Variants in SYN3 observed in about 807,000 individuals in gnomAD.
The protein encoded by SYN3 is synapsin-3.
Under a neutral mutation model 65.8 loss-of-function variants are expected in SYN3, and 35 were observed. That is an observed-to-expected ratio of 0.53 (90% CI 0.41 to 0.70). The LOEUF is 0.70. Ranked by LOEUF, SYN3 falls within the 30% of genes least tolerant of loss-of-function variation. SYN3 has a pLI of 0.00. For missense variants in SYN3, 680 were observed against 749.0 expected (o/e 0.91, Z 1.08); for synonymous variants, 270 against 292.9 (o/e 0.92, Z 0.80).
At chr22:32,536,993 C>T (rs2058176641) in intron 9 of SYN3, among the ~76,000 whole-genome samples, 1 of 152,160 alleles carries the variant, frequency 6.6e-6, no homozygotes, top group Non-Finnish European at 1.5e-5. Context: ...ACAACATGGC[C>T]TGCAGTAGGT....
At chr22:32,604,734 G>C (rs1043523577) in intron 6 of SYN3, among the ~76,000 whole-genome samples, 1 of 152,118 alleles carries the variant, frequency 6.6e-6, no homozygotes, top group Admixed American at 6.5e-5. Flanking sequence ...GACTGGGCGC[G>C]GTGGCTCACG....
chr22:32,661,442 A>G (rs909820155), intron 6 of SYN3, among the ~76,000 whole-genome samples: 1 of 152,272 alleles, frequency 6.6e-6, no homozygotes, highest in Non-Finnish European at 1.5e-5. Flanking sequence ...CTCACAGCAC[A>G]TCAATGGGGG....
At chr22:32,839,201 A>G (rs1422392143) in intron 6 of SYN3, among the ~76,000 whole-genome samples, 1 of 152,086 alleles carries the variant, frequency 6.6e-6, no homozygotes, top group Non-Finnish European at 1.5e-5. Context: ...GAAGAGCCAT[A>G]TATATGCCAC....
intron 4 of SYN3, among the ~76,000 whole-genome samples, chr22:32,884,626 C>A (rs1293148217): frequency 6.6e-6 from 1 of 152,136 alleles, no homozygotes. Context: ...ACTCCTGTAA[C>A]CCCCAGAACT....
intron 6 of SYN3, among the ~76,000 whole-genome samples, chr22:32,767,394 C>A (rs2145753424): frequency 6.6e-6 from 1 of 152,006 alleles, no homozygotes; most frequent in South Asian, 2.1e-4. Flanking sequence ...TTCACACACA[C>A]ACATACATGC....
At chr22:32,743,634 G>A (rs1234763460) in intron 6 of SYN3, among the ~76,000 whole-genome samples, 1 of 152,128 alleles carries the variant, frequency 6.6e-6, no homozygotes, top group Non-Finnish European at 1.5e-5. Context: ...TAGGGTGGGT[G>A]GTCAGTATCC....
rs530628862 is a variant in SYN3, at chr22:32,914,318, C to G, written c.461+17072G>C. On this transcript the variant is annotated intron_variant, in intron 4 of 13. Coordinates refer to ENST00000358763, the MANE Select transcript of SYN3 (RefSeq NM_003490.4). The stretch of plus-strand genomic sequence containing the variant: ...AGAGCATGGATTTAGAATAAGCCAG[C>G]CTGGATTTAAATTCTGGCTTCTCCA... Among the ~76,000 whole-genome samples the G allele has an allele frequency of 5.3e-5, 8 of 152,280 alleles. No homozygotes were observed. The East Asian group carries it at 1.4e-3, about 26-fold the overall frequency.
chr22:32,942,944 T>C (rs2050985394), intron 3 of SYN3, among the ~76,000 whole-genome samples: 1 of 152,164 alleles, frequency 6.6e-6, no homozygotes, highest in Non-Finnish European at 1.5e-5. Context: ...TATGGGACTA[T>C]GTGAAAAAAC....
chr22:33,045,134 C>T lies in SYN3; in HGVS notation c.-163+13158G>A, dbSNP rs533880621. Among the ~76,000 whole-genome samples the T allele has an allele frequency of 3.2e-4, 48 of 152,190 alleles. No homozygotes were observed. The South Asian group carries it at 6.9e-3, about 22-fold the overall frequency. ...CTGGGATTACAGGCATGAGCCACCGCGCCCAGCCCCAGATGATTCTTAAAT... is the reference window on the plus strand; with the variant it reads ...CTGGGATTACAGGCATGAGCCACCGTGCCCAGCCCCAGATGATTCTTAAAT... On this transcript the variant is annotated intron_variant, in intron 1 of 13. Transcript: ENST00000358763.
chr22:32,799,981 A>G (rs901201756), intron 6 of SYN3, among the ~76,000 whole-genome samples: 2 of 152,246 alleles, frequency 1.3e-5, no homozygotes. Context: ...GTTAGAGTGA[A>G]GGCAGGGAAG....
At chr22:32,973,802 AGTTT>A (rs971304499) in intron 3 of SYN3, among the ~76,000 whole-genome samples, 14 of 152,188 alleles carry the variant, frequency 9.2e-5, no homozygotes, top group African/African-American at 2.9e-4. Flanking sequence ...ATCTTTTGTT[AGTTT>A]GTTTGTTTCA....
intron 6 of SYN3, among the ~76,000 whole-genome samples, chr22:32,678,191 T>C (rs470034): frequency 0.65 from 98,486 of 152,024 alleles, 32,321 homozygotes; most frequent in African/African-American, 0.75. Context: ...GGTCACAGCC[T>C]TACAGAAAAG....
chr22:32,954,959 T>A (rs1239008251), intron 3 of SYN3, among the ~76,000 whole-genome samples: 1 of 150,724 alleles, frequency 6.6e-6, no homozygotes, highest in African/African-American at 2.5e-5. Flanking sequence ...TTTTTTCTTT[T>A]CATTTTAAAG....
intron 6 of SYN3, among the ~76,000 whole-genome samples, chr22:32,605,277 C>T (rs1420498675): frequency 6.6e-6 from 1 of 152,058 alleles, no homozygotes; most frequent in Non-Finnish European, 1.5e-5. Flanking sequence ...GGGGATGCAG[C>T]CAGAATTAGG....
At chr22:32,868,455 T>C (rs2048749073) in intron 5 of SYN3, among the ~76,000 whole-genome samples, 1 of 151,954 alleles carries the variant, frequency 6.6e-6, no homozygotes, top group African/African-American at 2.4e-5. Context: ...AAAACTTTTT[T>C]TCGAGACAGA....
rs527625498 is a variant in SYN3 at position 32,732,584 on chromosome 22, T to C, written c.711+132331A>G. Among the ~76,000 whole-genome samples the C allele has an allele frequency of 7.9e-5, 12 of 152,334 alleles. No homozygotes were observed. The South Asian group carries it at 2.1e-3, about 26-fold the overall frequency. ...CCACTGCTTCCCAGCTCTGTGACCA[T>C]GGATGAGTCATTCAATCTCCCTGGA... On this transcript the variant is annotated intron_variant, in intron 6 of 13. Coordinates refer to ENST00000358763, the MANE Select transcript of SYN3 (RefSeq NM_003490.4).
intron 6 of SYN3, among the ~76,000 whole-genome samples, chr22:32,753,518 G>A (rs944217687): frequency 1.2e-3 from 176 of 151,976 alleles, no homozygotes; most frequent in Non-Finnish European, 2.2e-4. Context: ...CCCAGCCACC[G>A]CTGGGCTTCT....
At chr22:32,679,073 G>A (rs2060487543) in intron 6 of SYN3, among the ~76,000 whole-genome samples, 3 of 79,440 alleles carry the variant, frequency 3.8e-5, no homozygotes, top group African/African-American at 9.4e-5. Context: ...TTTTTTTTGA[G>A]ATGGAGTCTC....
intron 6 of SYN3, among the ~76,000 whole-genome samples, chr22:32,612,952 C>G (rs114727696): frequency 6.6e-6 from 1 of 152,092 alleles, no homozygotes. Context: ...GGCAGGTGAT[C>G]GGATCATGGG....
Sources: allele counts gnomAD v4.1 joint callset (sites outside exome capture counted in the v4.1 genomes callset), GRCh38; gene constraint gnomAD v4.1.1; transcripts MANE v1.5; gene names NCBI Gene and HGNC (gene_info 2026-07-23, HGNC 2026-07-21).